The following CHN2 variants were observed in gnomAD, a reference collection of about 807,000 sequenced individuals.
CHN2 encodes the protein chimerin 2.
A neutral mutation model predicts 56.3 loss-of-function variants in CHN2; 35 were observed. That is an observed-to-expected ratio of 0.62 (90% CI 0.47 to 0.82). The LOEUF is 0.82. CHN2 is among the 40% of genes least tolerant of loss of function. The pLI is 0.00. For missense variants in CHN2, 491 were observed against 580.5 expected (o/e 0.85, Z 1.58); for synonymous variants, 210 against 212.8 (o/e 0.99, Z 0.12).
chr7:29,497,242 G>A (rs1031623154), intron 8 of CHN2, among the ~76,000 whole-genome samples: 6 of 152,176 alleles, frequency 3.9e-5, no homozygotes, highest in Non-Finnish European at 8.8e-5. Context: ...GAGCCACAAC[G>A]TATCTCCCAG....
intron 6 of CHN2, among the ~76,000 whole-genome samples, chr7:29,455,787 T>A (rs1181528489): frequency 6.6e-6 from 1 of 152,196 alleles, no homozygotes; most frequent in Non-Finnish European, 1.5e-5. Flanking sequence ...CTGAGGACCG[T>A]GGTTTACCCC....
At chr7:29,424,074 G>C (rs1485210761) in intron 6 of CHN2, among the ~76,000 whole-genome samples, 1 of 152,322 alleles carries the variant, frequency 6.6e-6, no homozygotes, top group African/African-American at 2.4e-5. Context: ...ACCCACTATA[G>C]TAGAGTTCCA....
intron 6 of CHN2, among the ~76,000 whole-genome samples, chr7:29,454,953 A>T (rs1784645163): frequency 6.6e-6 from 1 of 151,906 alleles, no homozygotes; most frequent in South Asian, 2.1e-4. Flanking sequence ...AACCCCTTAA[A>T]ATATGATTTG....
intron 2 of CHN2, among the ~76,000 whole-genome samples, chr7:29,166,172 G>A (rs11772574): frequency 0.22 from 33,910 of 151,808 alleles, 5,450 homozygotes; most frequent in African/African-American, 0.45. Flanking sequence ...CTAGGACCAC[G>A]GGTGTGTGCC....
intron 6 of CHN2, among the ~76,000 whole-genome samples, chr7:29,455,389 G>T (rs563471084): frequency 7.2e-5 from 11 of 152,262 alleles, no homozygotes; most frequent in Non-Finnish European, 7.3e-5. Flanking sequence ...AGGCCTGAGA[G>T]ATCAGCTAGT....
At chr7:29,175,746 A>AG in intron 2 of CHN2, among the ~76,000 whole-genome samples, 1 of 152,146 alleles carries the variant, frequency 6.6e-6, no homozygotes. Flanking sequence ...AGCGGAGCAC[A>AG]GGGAAAAAAA....
chr7:29,256,012 C>T (rs998322587), intron 1 of CHN2, among the ~76,000 whole-genome samples: 2 of 152,192 alleles, frequency 1.3e-5, no homozygotes, highest in Non-Finnish European at 2.9e-5. Context: ...ATTTAAGTTC[C>T]TGACAGCCAG....
At chr7:29,227,993 T>C (rs1334136745) in intron 1 of CHN2, among the ~76,000 whole-genome samples, 1 of 152,146 alleles carries the variant, frequency 6.6e-6, no homozygotes, top group East Asian at 1.9e-4. Flanking sequence ...TATTGTTAAG[T>C]TAAAGGCTTC....
intron 1 of CHN2, among the ~76,000 whole-genome samples, chr7:29,300,989 C>T (rs1385922896): frequency 6.6e-6 from 1 of 150,402 alleles, no homozygotes; most frequent in African/African-American, 2.5e-5. Flanking sequence ...GAATGAGTAT[C>T]TTTCCATTTT....
rs16875064 is a variant in CHN2, at chr7:29,510,999, T to G, written c.1236-1565T>G. ...TGTAATGAGGTCGATGAATTGGTGT[T>G]ATAACATTGGAGGGATCAGGGCACA... On this transcript the variant is annotated intron_variant, in intron 12 of 12. Coordinates refer to ENST00000222792, the MANE Select transcript of CHN2 (RefSeq NM_004067.4). Among the ~76,000 whole-genome samples, 682 of 152,262 alleles carry G rather than the reference T, an allele frequency of 4.5e-3. 3 individuals are homozygous for G. Among genetic ancestry groups the G allele is most frequent in the African/African-American group, 0.015 (613 of 41,540 alleles).
chr7:29,250,708 CTTCT>C (rs367920659), intron 1 of CHN2, among the ~76,000 whole-genome samples: 15,801 of 145,426 alleles, frequency 0.11, 927 homozygotes, highest in Non-Finnish European at 0.16. Context: ...ACCTGAACTT[CTTCT>C]TTTTTTTTTT....
intron 1 of CHN2, among the ~76,000 whole-genome samples, chr7:29,244,418 G>A (rs1013383798): frequency 6.6e-6 from 1 of 152,156 alleles, no homozygotes; most frequent in Non-Finnish European, 1.5e-5. Context: ...ATTCTCTGTG[G>A]GAATTTCAAA....
intron 2 of CHN2, among the ~76,000 whole-genome samples, chr7:29,158,076 T>C (rs1794667600): frequency 2.0e-5 from 3 of 152,066 alleles, no homozygotes; most frequent in Admixed American, 2.0e-4. Flanking sequence ...AAAGACACAA[T>C]GAGCTCATCA....
intron 2 of CHN2, among the ~76,000 whole-genome samples, chr7:29,363,486 A>G (rs1798894613): frequency 6.6e-6 from 1 of 152,078 alleles, no homozygotes; most frequent in Admixed American, 6.5e-5. Context: ...CTCCATCTCA[A>G]ACACCACCAC....
chr7:29,449,392 C>T (rs1053538486), intron 6 of CHN2, among the ~76,000 whole-genome samples: 2 of 152,126 alleles, frequency 1.3e-5, no homozygotes, highest in South Asian at 2.1e-4. Context: ...AGTCAGAATC[C>T]GTCCTGCAGG....
rs1284384850 is a variant in CHN2, at chr7:29,478,813, C to T, written c.577-1466C>T. 5.9e-5 allele frequency among the ~76,000 whole-genome samples: 9 copies of T among 152,062 alleles called. No homozygotes were observed. The South Asian group carries it at 1.2e-3, about 21-fold the overall frequency. On this transcript the variant is annotated intron_variant, in intron 6 of 12. Transcript: ENST00000222792. ...TAAATTATTGTGCTCAATAGCTTAA[C>T]GTAAAAATTGGGTGTTATTATTGAA...
chr7:29,294,009 G>T (rs1792913852), intron 1 of CHN2, among the ~76,000 whole-genome samples: 1 of 152,122 alleles, frequency 6.6e-6, no homozygotes, highest in African/African-American at 2.4e-5. Context: ...TGGGACTACA[G>T]GCGCCCGCCA....
chr7:29,448,161 G>A (rs1246377305), intron 6 of CHN2, among the ~76,000 whole-genome samples: 5 of 151,992 alleles, frequency 3.3e-5, no homozygotes, highest in African/African-American at 9.7e-5. Context: ...CAAGTTCTGA[G>A]TTTTCTGTAT....
chr7:29,512,455 T>C, intron 12 of CHN2, 109 bp from the exon 13 acceptor site: 1 of 941,968 alleles, frequency 1.1e-6, no homozygotes, highest in African/African-American at 1.7e-5. Context: ...AATCTTTTTC[T>C]TGCAATTTCC....
Sources: allele counts gnomAD v4.1 joint callset (sites outside exome capture counted in the v4.1 genomes callset), GRCh38; gene constraint gnomAD v4.1.1; transcripts MANE v1.5; gene names NCBI Gene and HGNC (gene_info 2026-07-23, HGNC 2026-07-21).